CDK1: variants seen among roughly 807,000 people sequenced by gnomAD.
The protein encoded by CDK1 is cyclin-dependent kinase 1.
A neutral mutation model predicts 34.6 loss-of-function variants in CDK1; 5 were observed. The observed-to-expected ratio is 0.14, with a 90% CI of 0.08 to 0.30. The LOEUF (loss-of-function observed/expected upper bound fraction) is 0.30, where lower values mean the gene tolerates loss of function less well. Among genes scored for constraint, CDK1 ranks in the 10% least tolerant of loss-of-function variants. The pLI, the probability that CDK1 is intolerant of heterozygous loss-of-function variation, is 1.00. For missense variants in CDK1, 157 were observed against 345.7 expected, an observed-to-expected ratio of 0.45 and a Z score of 4.33; for synonymous variants, 108 against 114.7, an observed-to-expected ratio of 0.94 and a Z score of 0.37.
chr10:60,781,021 C>T (rs1024947737), intron 2 of CDK1, among the ~76,000 whole-genome samples: 5 of 151,022 alleles, frequency 3.3e-5, no homozygotes, highest in African/African-American at 4.9e-5. Flanking sequence ...GTGTGGTGTT[C>T]GATTGGAGGT....
chr10:60,786,268 A>G, intron 4 of CDK1: 1 of 840,044 alleles, frequency 1.2e-6, no homozygotes, highest in Non-Finnish European at 1.4e-6. Context: ...CTGCAGAGGT[A>G]GCGCTGTTAG....
At chr10:60,792,375 A>C in intron 7 of CDK1, 86 bp downstream of exon 7, 1 of 1,238,654 alleles carries the variant, frequency 8.1e-7, no homozygotes, top group Non-Finnish European at 1.1e-6. Flanking sequence ...AAATAGGAAG[A>C]ACACTAACAT....
intron 4 of CDK1, 142 bp from the exon 5 acceptor site, chr10:60,787,918 C>T (rs189009396): frequency 6.5e-4 from 298 of 457,828 alleles, no homozygotes; most frequent in African/African-American, 5.5e-3. Flanking sequence ...TTCCCACCCA[C>T]AAATGCTTAT....
chr10:60,792,420 A>T (rs2080367176), intron 7 of CDK1, 131 bp downstream of exon 7: 2 of 673,174 alleles, frequency 3.0e-6, no homozygotes, highest in South Asian at 5.7e-5. Flanking sequence ...ACATTGTATT[A>T]TACTAGCTTC....
At chr10:60,791,666 C>T (rs543007323) in intron 5 of CDK1, among the ~76,000 whole-genome samples, 17 of 151,642 alleles carry the variant, frequency 1.1e-4, no homozygotes, top group African/African-American at 4.1e-4. Context: ...ATTTGAAAAG[C>T]AAAAAAATAT....
rs201838771 is a variant in CDK1 at position 60,781,060 on chromosome 10, T to TA, written c.37+858_37+859insA. ...TGTGTGTATACATATATATATATAT[T>TA]TTTTTTTTAAATCACTTAAATACCT... On this transcript the variant is annotated intron_variant, in intron 2 of 7. Coordinates refer to ENST00000395284, the MANE Select transcript of CDK1 (RefSeq NM_001786.5). 7.1e-3 allele frequency among the ~76,000 whole-genome samples: 448 copies of TA among 62,982 alleles called. 5 individuals are homozygous for TA. Among genetic ancestry groups the TA allele is most frequent in the African/African-American group, 0.024 (424 of 18,000 alleles). The allele number at this position is 62,982 out of a possible 152,430, so 41.3% of individuals were successfully genotyped here.
intron 4 of CDK1, 94 bp from the exon 5 acceptor site, chr10:60,787,966 A>T: frequency 1.5e-6 from 1 of 669,764 alleles, no homozygotes; most frequent in Non-Finnish European, 2.4e-6. Flanking sequence ...TAATTAAATT[A>T]TTTCTCTGCG....
chr10:60,791,126 G>A (rs567784287), intron 5 of CDK1, among the ~76,000 whole-genome samples: 3 of 152,046 alleles, frequency 2.0e-5, no homozygotes, highest in South Asian at 4.1e-4. Flanking sequence ...TGGTAATATG[G>A]TCATTTTTAT....
chr10:60,791,210 A>G (rs934418626), intron 5 of CDK1, among the ~76,000 whole-genome samples: 16 of 151,852 alleles, frequency 1.1e-4, no homozygotes, highest in African/African-American at 3.9e-4. Flanking sequence ...AATGTTTTAT[A>G]GTTTTTAGTG....
chr10:60,779,735 TAGG>T (rs1236897219), intron 1 of CDK1, among the ~76,000 whole-genome samples: 3 of 152,192 alleles, frequency 2.0e-5, no homozygotes, highest in Non-Finnish European at 1.5e-5. Flanking sequence ...TGAATAAAAT[TAGG>T]AGTATCATAA....
chr10:60,788,656 A>G (rs2080335070), intron 5 of CDK1, among the ~76,000 whole-genome samples: 1 of 152,058 alleles, frequency 6.6e-6, no homozygotes, highest in Admixed American at 6.5e-5. Context: ...TGATTCAAAG[A>G]CAGGTTTTGT....
chr10:60,794,062 T>G lies in CDK1; in HGVS notation c.*87T>G. 1 of 666,572 alleles carries G rather than the reference T, an allele frequency of 1.5e-6. No individual in the cohort carries two copies. The highest frequency in any genetic ancestry group is 2.6e-6 in the Non-Finnish European group (1 of 388,466). The allele number at this position is 666,572 out of a possible 1,614,324, so 41.3% of individuals were successfully genotyped here. The stretch of plus-strand genomic sequence containing the variant: ...CTTGTCTATTTTTGTCTTATATATA[T>G]TTCTTTGTTATCAAACTTCAGCTGT... On this transcript the variant is annotated 3_prime_UTR_variant, in exon 8 of 8. Transcript: ENST00000395284.
intron 4 of CDK1, chr10:60,786,018 A>G: frequency 8.7e-7 from 1 of 1,148,960 alleles, no homozygotes; most frequent in Non-Finnish European, 1.1e-6. Context: ...TAGAACTGGT[A>G]GGTATTGTTG....
intron 2 of CDK1, among the ~76,000 whole-genome samples, chr10:60,780,494 C>T (rs183808555): frequency 1.3e-3 from 202 of 152,186 alleles, no homozygotes; most frequent in African/African-American, 4.6e-3. Context: ...TGATAACTTG[C>T]ATGTGTGTTG....
chr10:60,791,920 G>A lies in CDK1; in HGVS notation c.520G>A (p.Val174Ile). Residue 174 changes from valine to isoleucine, a missense_variant, in exon 6 of 8, where the codon GTA becomes ATA. Around this residue, in one of 3 missense-constraint regions of CDK1, gnomAD observed 102 missense variants for 233.6 expected, o/e 0.44. Transcript: ENST00000395284. ...VVTLWYRSPE[V>I]LLGSARYSTP... is the part of the protein sequence containing the mutation. ...AACACTCTGGTACAGATCTCCAGAA[G>A]TATTGCTGGGGTCAGCTCGTTACTC... 6.2e-7 allele frequency: 1 copy of A among 1,612,658 alleles called. No individual in the cohort carries two copies. Among genetic ancestry groups the A allele is most frequent in the African/African-American group, 1.3e-5 (1 of 74,980 alleles).
At chr10:60,787,923 G>C in intron 4 of CDK1, 137 bp from the exon 5 acceptor site, 1 of 468,034 alleles carries the variant, frequency 2.1e-6, no homozygotes, top group Non-Finnish European at 3.8e-6. Context: ...ACCCACAAAT[G>C]CTTATTAGCC....
chr10:60,788,427 C>G (rs371382272), intron 5 of CDK1, among the ~76,000 whole-genome samples, 197 bp downstream of exon 5: 3 of 152,098 alleles, frequency 2.0e-5, no homozygotes, highest in East Asian at 1.9e-4. Flanking sequence ...TTTTCTTTAC[C>G]AGCTGCTATG....
rs865974767 is a variant in CDK1 at position 60,794,061 on chromosome 10, A to G, written c.*86A>G. 1.5e-6 allele frequency: 1 copy of G among 670,612 alleles called. No individual in the cohort carries two copies. The allele number at this position is 670,612 out of a possible 1,614,324, so 41.5% of individuals were successfully genotyped here. A position where few individuals can be genotyped will look rare whatever the true frequency, so the allele number is the denominator to read the frequency against. On this transcript the variant is annotated 3_prime_UTR_variant, in exon 8 of 8. Transcript: ENST00000395284. ...TCTTGTCTATTTTTGTCTTATATAT[A>G]TTTCTTTGTTATCAAACTTCAGCTG...
chr10:60,779,140 C>G (rs1177508123), intron 1 of CDK1, among the ~76,000 whole-genome samples: 1 of 135,008 alleles, frequency 7.4e-6, no homozygotes, highest in African/African-American at 2.6e-5. Context: ...TCAGCCCAGG[C>G]ACTTAACTCT....
Sources: gnomAD v4.1 joint callset for allele counts (sites outside exome capture counted in the v4.1 genomes callset) on GRCh38, gnomAD v4.1.1 for gene constraint, gnomAD v4.1.1 regional missense constraint, MANE v1.5 for transcripts, NCBI Gene and HGNC (gene_info 2026-07-23, HGNC 2026-07-21) for gene names.